The following CHN1 variants were observed in gnomAD, a reference collection of about 807,000 sequenced individuals.
CHN1 encodes the protein N-chimaerin.
In CHN1, 37 loss-of-function variants were observed where a neutral mutation model predicts 59.5. The observed-to-expected ratio is 0.62, with a 90% CI of 0.48 to 0.82. CHN1 has a LOEUF of 0.82. CHN1 is among the 40% of genes least tolerant of loss of function. The pLI is 0.00. For missense variants in CHN1, 469 were observed against 571.0 expected (o/e 0.82, Z 1.82); for synonymous variants, 206 against 200.4 (o/e 1.03, Z -0.24).
intron 6 of CHN1, chr2:174,847,851 G>T (rs1355050249): frequency 4.6e-6 from 2 of 435,640 alleles, no homozygotes; most frequent in African/African-American, 2.2e-5. Context: ...ATTGCAAAAT[G>T]GAATTTTTTT....
intron 8 of CHN1, among the ~76,000 whole-genome samples, chr2:174,817,287 C>G (rs569960393): frequency 6.6e-6 from 1 of 152,258 alleles, no homozygotes; most frequent in East Asian, 1.9e-4. Flanking sequence ...TATAATTGAT[C>G]TGGCAGGGTT....
intron 3 of CHN1, among the ~76,000 whole-genome samples, chr2:174,929,493 A>C (rs976569514): frequency 6.6e-6 from 1 of 151,964 alleles, no homozygotes; most frequent in Non-Finnish European, 1.5e-5. Flanking sequence ...CATAAGAATC[A>C]CTTGAACTCG....
chr2:174,911,593 G>C (rs1486287027), intron 5 of CHN1, among the ~76,000 whole-genome samples: 1 of 152,214 alleles, frequency 6.6e-6, no homozygotes, highest in Non-Finnish European at 1.5e-5. Context: ...CATGGAAGAA[G>C]ATGCAAATGA....
chr2:174,850,651 G>A (rs1242083500), intron 6 of CHN1, among the ~76,000 whole-genome samples: 1 of 152,168 alleles, frequency 6.6e-6, no homozygotes, highest in African/African-American at 2.4e-5. Flanking sequence ...CAAGGAGTCT[G>A]TAATCTGCTT....
chr2:174,852,300 A>G (rs1686758355), intron 6 of CHN1, among the ~76,000 whole-genome samples: 2 of 151,950 alleles, frequency 1.3e-5, no homozygotes. Flanking sequence ...AACAAACAAA[A>G]CCGGTAACGA....
At position 174,877,993 on chromosome 2, in the gene CHN1, T is replaced by C. The variant is rs373885236; in HGVS notation, c.396A>G (p.Glu132=). ...ITLYIETKAA[E]YIAKMTINPI... ...GGTTTATCGTCATCTTGGCAATGTA[T>C]TCTGCTGCCTTGGTTTCAATATAGA... The change falls in exon 6 of 13, where the codon GAA becomes GAG. Residue 132 remains glutamate (E), a synonymous_variant. Transcript: ENST00000409900. 2.5e-6 allele frequency: 4 copies of C among 1,613,774 alleles called. No individual in the cohort carries two copies. Among genetic ancestry groups the C allele is most frequent in the Non-Finnish European group, 3.4e-6 (4 of 1,179,844 alleles).
At chr2:174,962,379 G>C (rs978202341) in intron 1 of CHN1, among the ~76,000 whole-genome samples, 5 of 152,076 alleles carry the variant, frequency 3.3e-5, no homozygotes, top group African/African-American at 1.2e-4. Flanking sequence ...GTGTTCTTTT[G>C]GCAGAGAACA....
At chr2:174,945,165 T>C in intron 2 of CHN1, 1 of 535,030 alleles carries the variant, frequency 1.9e-6, no homozygotes, top group Non-Finnish European at 3.5e-6. Context: ...CAAGTGTCTT[T>C]TTACCTTATA....
At chr2:174,911,168 T>C (rs1439112739) in intron 5 of CHN1, among the ~76,000 whole-genome samples, 1 of 152,186 alleles carries the variant, frequency 6.6e-6, no homozygotes, top group East Asian at 1.9e-4. Context: ...AAACTCAACC[T>C]AGTATTTTTT....
chr2:174,804,852 G>A (rs1263856897), intron 11 of CHN1, among the ~76,000 whole-genome samples: 1 of 152,210 alleles, frequency 6.6e-6, no homozygotes, highest in Non-Finnish European at 1.5e-5. Context: ...TGGTGTTCAG[G>A]TAGAGGACAT....
At chr2:174,877,509 C>A (rs759595692) in intron 6 of CHN1, among the ~76,000 whole-genome samples, 1 of 152,122 alleles carries the variant, frequency 6.6e-6, no homozygotes, top group Non-Finnish European at 1.5e-5. Flanking sequence ...CAATTACTTA[C>A]GTAATAGTAG....
chr2:174,846,287 A>G, intron 7 of CHN1: 1 of 1,536,290 alleles, frequency 6.5e-7, no homozygotes, highest in East Asian at 2.5e-5. Context: ...ACATTAACAC[A>G]ATAATTAAAA....
At chr2:174,843,450 G>C (rs955037038) in intron 7 of CHN1, among the ~76,000 whole-genome samples, 15 of 152,040 alleles carry the variant, frequency 9.9e-5, no homozygotes, top group African/African-American at 3.6e-4. Context: ...TATTGGCTAA[G>C]ATGTTCTCAA....
At position 175,005,288 on chromosome 2, in the gene CHN1, G is replaced by T; in HGVS notation, c.-376C>A. ...TGGCGGCGGCGGCGGCGGCGACGGG[G>T]AGAGCAGCAGCAGCCTCGCACAGCC... is the stretch of plus-strand genomic sequence containing the variant. On this transcript the variant is annotated 5_prime_UTR_variant, in exon 1 of 13. Transcript: ENST00000409900. The T allele has an allele frequency of 8.4e-7, 1 of 1,188,242 alleles. No homozygotes were observed. The highest frequency in any genetic ancestry group is 1.1e-6 in the Non-Finnish European group (1 of 947,780). The allele number at this position is 1,188,242 out of a possible 1,614,324, so 73.6% of individuals were successfully genotyped here.
chr2:175,003,076 A>C lies in CHN1; in HGVS notation c.19+1818T>G, dbSNP rs369187382. 2.7e-4 allele frequency among the ~76,000 whole-genome samples: 41 copies of C among 152,224 alleles called. 1 individual carries two copies. In the South Asian group the frequency reaches 6.4e-3, roughly 24 times the overall value. On this transcript the variant is annotated intron_variant, in intron 1 of 12. Transcript: ENST00000409900. ...AGTCACTTTAAAATCCCCTTCCCCC[A>C]TGTCTTTGGGCAAAAGAATCTACAT...
intron 12 of CHN1, among the ~76,000 whole-genome samples, chr2:174,800,637 C>T (rs1310722051): frequency 6.6e-6 from 1 of 152,140 alleles, no homozygotes; most frequent in Non-Finnish European, 1.5e-5. Context: ...TTGATTTAAT[C>T]CACCCACCCT....
chr2:175,005,357 G>A lies in CHN1; in HGVS notation c.-445C>T. 18 of 1,122,788 alleles carry A rather than the reference G, an allele frequency of 1.6e-5. No individual in the cohort carries two copies. The highest frequency in any genetic ancestry group is 7.5e-5 in the East Asian group (1 of 13,284). 69.6% of individuals were successfully genotyped at this position (1,122,788 alleles called of 1,614,324 possible). A position where few individuals can be genotyped will look rare whatever the true frequency, so the allele number is the denominator to read the frequency against. Reference sequence around the variant, plus strand: ...CTCCGCATCCCGCGGCCTCGCAGACGCCATCTTGCGATAGCGTCTCCCACG... The same window carrying A: ...CTCCGCATCCCGCGGCCTCGCAGACACCATCTTGCGATAGCGTCTCCCACG... On this transcript the variant is annotated 5_prime_UTR_variant, in exon 1 of 13. Coordinates refer to ENST00000409900, the MANE Select transcript of CHN1 (RefSeq NM_001822.7).
At chr2:174,983,949 CAG>C (rs1691248698) in intron 1 of CHN1, among the ~76,000 whole-genome samples, 1 of 152,100 alleles carries the variant, frequency 6.6e-6, no homozygotes, top group African/African-American at 2.4e-5. Context: ...GGGAAAGACT[CAG>C]AAAGAACAAA....
At chr2:174,895,213 TACACACAC>T (rs374437666) in intron 5 of CHN1, among the ~76,000 whole-genome samples, 4 of 142,470 alleles carry the variant, frequency 2.8e-5, no homozygotes, top group South Asian at 2.3e-4. Context: ...TATATATATA[TACACACAC>T]ACACACACAC....
Sources: gnomAD v4.1 joint callset for allele counts (sites outside exome capture counted in the v4.1 genomes callset) on GRCh38, gnomAD v4.1.1 for gene constraint, MANE v1.5 for transcripts, NCBI Gene and HGNC (gene_info 2026-07-23, HGNC 2026-07-21) for gene names.